COMMD10: variants seen among roughly 807,000 people sequenced by gnomAD.
The protein encoded by COMMD10 is COMM domain-containing protein 10.
In COMMD10, 33 loss-of-function variants were observed where a neutral mutation model predicts 28.9. The observed-to-expected ratio is 1.14, with a 90% CI of 0.87 to 1.53. The LOEUF is 1.53. Among genes scored for constraint, COMMD10 ranks in the 40% most tolerant of loss-of-function variants. COMMD10 has a pLI of 0.00. For synonymous variants in COMMD10, 110 were observed against 81.7 expected, an observed-to-expected ratio of 1.35 and a Z score of -1.87; for missense variants, 310 against 233.4, an observed-to-expected ratio of 1.33 and a Z score of -2.14.
chr5:116,086,647 A>G (rs970102519), intron 1 of COMMD10, among the ~76,000 whole-genome samples: 1 of 152,074 alleles, frequency 6.6e-6, no homozygotes, highest in African/African-American at 2.4e-5. Context: ...TTTAGTAAAG[A>G]TGGGGTTTCA....
intron 4 of COMMD10, among the ~76,000 whole-genome samples, chr5:116,108,899 C>T (rs562006941): frequency 6.6e-6 from 1 of 152,240 alleles, no homozygotes; most frequent in African/African-American, 2.4e-5. Flanking sequence ...GGCCGGAGTG[C>T]ACCGTTCCTC....
intron 2 of COMMD10, among the ~76,000 whole-genome samples, chr5:116,090,859 G>A (rs376169215): frequency 1.3e-5 from 2 of 152,122 alleles, no homozygotes; most frequent in African/African-American, 4.8e-5. Context: ...TATGACCTGC[G>A]TCACCACAAG....
chr5:116,288,441 G>A (rs888329866), intron 5 of COMMD10, among the ~76,000 whole-genome samples: 4 of 151,734 alleles, frequency 2.6e-5, no homozygotes, highest in South Asian at 2.1e-4. Flanking sequence ...GATTTTCCTC[G>A]TTGGAGTTCT....
intron 4 of COMMD10, among the ~76,000 whole-genome samples, chr5:116,119,220 T>C (rs981601692): frequency 1.3e-5 from 2 of 152,218 alleles, no homozygotes; most frequent in Non-Finnish European, 1.5e-5. Context: ...GGTCAAGGGA[T>C]ATAATTAAGT....
rs565851845 is a variant in COMMD10 at position 116,207,146 on chromosome 5, A to C, written c.510+72968A>C. ...TAATAATTACAATTATTATATCACTATGTCAGTATGTGTGTTATATTCAAT... is the reference window on the plus strand; with the variant it reads ...TAATAATTACAATTATTATATCACTCTGTCAGTATGTGTGTTATATTCAAT... On this transcript the variant is annotated intron_variant, in intron 5 of 6. Transcript: ENST00000274458. Among the ~76,000 whole-genome samples the C allele has an allele frequency of 1.3e-5, 2 of 152,108 alleles. 1 individual carries two copies. Among genetic ancestry groups the C allele is most frequent in the South Asian group, 4.1e-4 (2 of 4,826 alleles).
chr5:116,142,948 C>G (rs1752238808), intron 5 of COMMD10, among the ~76,000 whole-genome samples: 1 of 150,894 alleles, frequency 6.6e-6, no homozygotes, highest in African/African-American at 2.4e-5. Context: ...TTTCCTGATT[C>G]TTTGTTTTGT....
chr5:116,146,574 T>A (rs1217646620), intron 5 of COMMD10, among the ~76,000 whole-genome samples: 1 of 152,034 alleles, frequency 6.6e-6, no homozygotes, highest in East Asian at 1.9e-4. Flanking sequence ...GTCCCAATTA[T>A]TTTGGCAATA....
chr5:116,240,636 T>C (rs1326742020), intron 5 of COMMD10, among the ~76,000 whole-genome samples: 2 of 152,166 alleles, frequency 1.3e-5, no homozygotes, highest in African/African-American at 2.4e-5. Context: ...TAAGAGTTTC[T>C]CCTGCTTCGG....
chr5:116,227,244 C>A (rs1054451722), intron 5 of COMMD10, among the ~76,000 whole-genome samples: 1 of 151,940 alleles, frequency 6.6e-6, no homozygotes, highest in African/African-American at 2.4e-5. Flanking sequence ...GAAATAAGGG[C>A]CTTGTTTTCT....
rs545406867 is a variant in COMMD10, at chr5:116,085,057, C to T, written c.5C>T (p.Ala2Val). ...GGCAGTGCGAGAAAGCCGAAGATGG[C>T]GGTCCCCGCGGCGCTGATCCTACGG... is the stretch of plus-strand genomic sequence containing the variant. MAVPAALILRES... is the reference protein window; with the variant it reads MVVPAALILRES... Residue 2 changes from alanine to valine, a missense_variant, in exon 1 of 7, where the codon GCG becomes GTG. Transcript: ENST00000274458. The T allele has an allele frequency of 9.9e-6, 16 of 1,608,472 alleles. No individual in the cohort carries two copies. The highest frequency in any genetic ancestry group is 8.9e-5 in the South Asian group (8 of 90,056).
At chr5:116,184,290 ATTTTTC>A (rs1266876393) in intron 5 of COMMD10, among the ~76,000 whole-genome samples, 1 of 134,404 alleles carries the variant, frequency 7.4e-6, no homozygotes, top group Non-Finnish European at 1.6e-5. Context: ...CATTTTCTTT[ATTTTTC>A]TTAACTATAT....
intron 4 of COMMD10, 147 bp from the exon 5 acceptor site, chr5:116,133,921 A>C (rs1381655624): frequency 7.8e-6 from 4 of 514,226 alleles, no homozygotes; most frequent in Non-Finnish European, 1.4e-5. Flanking sequence ...GAATTCGCAG[A>C]GTATGCAGGT....
intron 5 of COMMD10, among the ~76,000 whole-genome samples, chr5:116,135,812 G>A (rs1752009875): frequency 6.6e-6 from 1 of 152,128 alleles, no homozygotes; most frequent in South Asian, 2.1e-4. Flanking sequence ...TGGGAGTTTT[G>A]GAATGCATCC....
At chr5:116,123,055 T>C (rs891946635) in intron 4 of COMMD10, among the ~76,000 whole-genome samples, 15 of 152,140 alleles carry the variant, frequency 9.9e-5, no homozygotes, top group South Asian at 4.1e-4. Context: ...TGTCTTGTGC[T>C]AGTTTTCAAA....
chr5:116,167,154 A>C (rs1405321077), intron 5 of COMMD10, among the ~76,000 whole-genome samples: 1 of 152,056 alleles, frequency 6.6e-6, no homozygotes, highest in Admixed American at 6.6e-5. Flanking sequence ...AGAAGAACAT[A>C]AATGAGCTGA....
chr5:116,243,416 C>T (rs1276118028), intron 5 of COMMD10, among the ~76,000 whole-genome samples: 1 of 152,092 alleles, frequency 6.6e-6, no homozygotes, highest in Non-Finnish European at 1.5e-5. Flanking sequence ...TGAAAATTTA[C>T]ATGTTTTAAT....
Position 116,240,498 on chromosome 5 carries a change from G to A in COMMD10, c.511-51019G>A, listed in dbSNP as rs1194302541. 2.0e-5 allele frequency among the ~76,000 whole-genome samples: 3 copies of A among 152,112 alleles called. No homozygotes were observed. In the South Asian group the frequency reaches 6.2e-4, roughly 32 times the overall value. On this transcript the variant is annotated intron_variant, in intron 5 of 6. Coordinates refer to ENST00000274458, the MANE Select transcript of COMMD10 (RefSeq NM_016144.4). The stretch of plus-strand genomic sequence containing the variant: ...CCTCAAATATTTAAAATGCTTTCTA[G>A]TCAAATATTTAGGGGGTCATCATTC...
At chr5:116,094,264 C>T (rs755161185) in intron 4 of COMMD10, among the ~76,000 whole-genome samples, 36 of 152,172 alleles carry the variant, frequency 2.4e-4, no homozygotes, top group African/African-American at 6.8e-4. Context: ...TATTTACAAA[C>T]TATTGACTTA....
chr5:116,172,655 A>G (rs2416434), intron 5 of COMMD10, among the ~76,000 whole-genome samples: 47,151 of 152,016 alleles, frequency 0.31, 10,228 homozygotes, highest in African/African-American at 0.62. Flanking sequence ...TTTGTGTTAT[A>G]AAGTCATACT....
Sources: gnomAD v4.1 joint callset for allele counts (sites outside exome capture counted in the v4.1 genomes callset) on GRCh38, gnomAD v4.1.1 for gene constraint, MANE v1.5 for transcripts, NCBI Gene and HGNC (gene_info 2026-07-23, HGNC 2026-07-21) for gene names.